Variants in VEPH1 observed in about 807,000 individuals in gnomAD.
VEPH1 encodes the protein ventricular zone-expressed PH domain-containing protein homolog 1.
Under a neutral mutation model 85.2 loss-of-function variants are expected in VEPH1, and 80 were observed. That is an observed-to-expected ratio of 0.94 (90% CI 0.78 to 1.13). The LOEUF (loss-of-function observed/expected upper bound fraction) is 1.13, where lower values mean the gene tolerates loss of function less well. Among genes scored for constraint, VEPH1 ranks in the 50% most tolerant of loss-of-function variants. The pLI, the probability that VEPH1 is intolerant of heterozygous loss-of-function variation, is 0.00. For synonymous variants in VEPH1, 297 were observed against 348.0 expected (o/e 0.85, Z 1.63); for missense variants, 955 against 980.5 (o/e 0.97, Z 0.35).
intron 9 of VEPH1, among the ~76,000 whole-genome samples, chr3:157,339,601 G>A (rs13325944): frequency 0.11 from 16,332 of 152,122 alleles, 976 homozygotes; most frequent in South Asian, 0.22. Flanking sequence ...GTACTCTCCC[G>A]TGTCTCTAAA....
At chr3:157,460,774 G>A (rs935314057) in intron 3 of VEPH1, among the ~76,000 whole-genome samples, 3 of 152,194 alleles carry the variant, frequency 2.0e-5, no homozygotes, top group African/African-American at 7.2e-5. Flanking sequence ...AGACTGAGGT[G>A]AGGGAGTACC....
intron 7 of VEPH1, among the ~76,000 whole-genome samples, chr3:157,380,841 T>C (rs1456097): frequency 0.67 from 102,634 of 152,148 alleles, 34,921 homozygotes; most frequent in East Asian, 0.79. Flanking sequence ...AAGCTATGTT[T>C]GACTATTCAG....
intron 11 of VEPH1, among the ~76,000 whole-genome samples, chr3:157,302,585 C>T (rs868580548): frequency 7.9e-5 from 12 of 152,350 alleles, no homozygotes; most frequent in Admixed American, 2.0e-4. Flanking sequence ...GCACTAGACA[C>T]TGAATCTGCC....
rs752860181 is a variant in VEPH1, at chr3:157,261,317, C to T, written c.2319G>A (p.Lys773=). 27 of 1,613,598 alleles carry T rather than the reference C, an allele frequency of 1.7e-5. 2 individuals are homozygous for T. The South Asian group carries it at 2.0e-4, about 12-fold the overall frequency. Reference sequence around the variant, plus strand: ...GGTCCCTGCGTTTCTTGGCCACAGCCTTCACACTCTGTACTTTGCTGAGTT... The same window carrying T: ...GGTCCCTGCGTTTCTTGGCCACAGCTTTCACACTCTGTACTTTGCTGAGTT... ...PIELSKVQSV[K]AVAKKRRDRS... is the part of the protein sequence containing the mutation. The change falls in exon 14 of 14, where the codon AAG becomes AAA. Residue 773 remains lysine, a synonymous_variant. Transcript: ENST00000362010.
intron 4 of VEPH1, among the ~76,000 whole-genome samples, chr3:157,451,220 A>AT (rs1363523129): frequency 3.3e-5 from 5 of 152,068 alleles, no homozygotes; most frequent in African/African-American, 2.4e-5. Context: ...ATGTTTTTTA[A>AT]TTTTTTTGTG....
At position 157,324,972 on chromosome 3, in the gene VEPH1, C is replaced by T. The variant is rs553504235; in HGVS notation, c.1736-7771G>A. 2.9e-4 allele frequency among the ~76,000 whole-genome samples: 44 copies of T among 152,212 alleles called. 1 individual carries two copies. Among genetic ancestry groups the T allele is most frequent in the African/African-American group, 1.0e-3 (43 of 41,544 alleles). On this transcript the variant is annotated intron_variant, in intron 9 of 13. Transcript: ENST00000362010. ...CCCACCAACAGTGTAAAAGCATTCC[C>T]TTTTCTCCACAACCTCATCAGGATC...
chr3:157,384,881 C>T (rs1318250242), intron 6 of VEPH1, among the ~76,000 whole-genome samples: 1 of 152,154 alleles, frequency 6.6e-6, no homozygotes, highest in Non-Finnish European at 1.5e-5. Flanking sequence ...ACTGGATTTT[C>T]CTGCTTTCAG....
chr3:157,353,526 A>G (rs944098742), intron 9 of VEPH1, among the ~76,000 whole-genome samples: 82 of 152,198 alleles, frequency 5.4e-4, no homozygotes, highest in African/African-American at 1.8e-3. Context: ...CTTGTCCTCC[A>G]AAGTGTTGGG....
In VEPH1 at chr3:157,366,210, C is replaced by T. The variant is rs182095554; in HGVS notation, c.1128-1698G>A. On this transcript the variant is annotated intron_variant, in intron 7 of 13. Coordinates refer to ENST00000362010, the MANE Select transcript of VEPH1 (RefSeq NM_001167912.2). ...TTTTTATTACAGTATATAATAATCCCTAGAAATATATTCACCAAGATGGTC... is the reference window on the plus strand; with the variant it reads ...TTTTTATTACAGTATATAATAATCCTTAGAAATATATTCACCAAGATGGTC... 1.2e-3 allele frequency among the ~76,000 whole-genome samples: 185 copies of T among 152,224 alleles called. 1 individual carries two copies. Among genetic ancestry groups the T allele is most frequent in the African/African-American group, 3.9e-3 (160 of 41,536 alleles).
intron 11 of VEPH1, among the ~76,000 whole-genome samples, chr3:157,310,820 A>G (rs1720025863): frequency 6.6e-6 from 1 of 152,172 alleles, no homozygotes; most frequent in African/African-American, 2.4e-5. Flanking sequence ...GGAGTGACAC[A>G]TATCCCCTCC....
chr3:157,274,621 C>A (rs1161855631), intron 12 of VEPH1, among the ~76,000 whole-genome samples: 11 of 152,126 alleles, frequency 7.2e-5, no homozygotes, highest in Admixed American at 2.0e-4. Context: ...CCTCAGCCCC[C>A]CAAGTAACTA....
At chr3:157,474,669 A>G (rs1737283265) in intron 2 of VEPH1, among the ~76,000 whole-genome samples, 1 of 152,230 alleles carries the variant, frequency 6.6e-6, no homozygotes, top group African/African-American at 2.4e-5. Flanking sequence ...TAGACTTCAC[A>G]GGTCTTCATT....
intron 12 of VEPH1, among the ~76,000 whole-genome samples, chr3:157,266,598 G>C (rs1038967113): frequency 1.3e-5 from 2 of 152,184 alleles, no homozygotes; most frequent in African/African-American, 4.8e-5. Context: ...CATGGTGCCT[G>C]GCAAATAGTA....
At chr3:157,312,683 T>G (rs1385587504) in intron 11 of VEPH1, among the ~76,000 whole-genome samples, 2 of 152,172 alleles carry the variant, frequency 1.3e-5, no homozygotes, top group Non-Finnish European at 2.9e-5. Flanking sequence ...TCCTGTTGAT[T>G]TGACTTTCTT....
At chr3:157,435,467 T>C (rs1281428765) in intron 4 of VEPH1, among the ~76,000 whole-genome samples, 2 of 152,236 alleles carry the variant, frequency 1.3e-5, no homozygotes, top group Non-Finnish European at 2.9e-5. Context: ...TCCTACCTCT[T>C]TGTGCTAGGG....
chr3:157,320,306 A>T (rs187831736), intron 9 of VEPH1, among the ~76,000 whole-genome samples: 1 of 152,270 alleles, frequency 6.6e-6, no homozygotes, highest in Admixed American at 6.5e-5. Flanking sequence ...TAAGCAACTC[A>T]TTCTGACTGG....
At chr3:157,364,638 A>G (rs1702152900) in intron 7 of VEPH1, 126 bp from the exon 8 acceptor site, 1 of 872,910 alleles carries the variant, frequency 1.1e-6, no homozygotes, top group African/African-American at 1.7e-5. Context: ...TTCATTGGTC[A>G]TTTAACAAGT....
At chr3:157,442,803 G>T (rs1400107904) in intron 4 of VEPH1, 1 of 1,614,090 alleles carries the variant, frequency 6.2e-7, no homozygotes, top group African/African-American at 1.3e-5. Flanking sequence ...TGGTGGCTTT[G>T]ATGAAACATT....
chr3:157,268,177 T>C (rs1713996280), intron 12 of VEPH1, among the ~76,000 whole-genome samples: 1 of 152,226 alleles, frequency 6.6e-6, no homozygotes, highest in African/African-American at 2.4e-5. Context: ...GTGATTTCCT[T>C]TGTGCAACCA....
Sources: gnomAD v4.1 joint callset for allele counts (sites outside exome capture counted in the v4.1 genomes callset) on GRCh38, gnomAD v4.1.1 for gene constraint, MANE v1.5 for transcripts, NCBI Gene and HGNC (gene_info 2026-07-23, HGNC 2026-07-21) for gene names.